MRNIP: variants seen among roughly 807,000 people sequenced by gnomAD.
MRNIP encodes the protein MRN complex-interacting protein.
A neutral mutation model predicts 29.8 loss-of-function variants in MRNIP; 30 were observed. The ratio of observed to expected loss-of-function variants is 1.01; its 90% CI spans 0.75 to 1.36. The LOEUF (loss-of-function observed/expected upper bound fraction) is 1.36, where lower values mean the gene tolerates loss of function less well. Ranked by LOEUF, MRNIP falls within the 40% of genes most tolerant of loss-of-function variation. The probability of loss-of-function intolerance (pLI) is 0.00; values close to 1 mark genes in which losing one functional copy is unlikely to be tolerated. For synonymous variants in MRNIP, 201 were observed against 164.1 expected, an observed-to-expected ratio of 1.23 and a Z score of -1.72; for missense variants, 459 against 423.5, an observed-to-expected ratio of 1.08 and a Z score of -0.74.
chr5:179,848,589 T>C (rs1290644916), intron 2 of MRNIP, among the ~76,000 whole-genome samples: 1 of 152,162 alleles, frequency 6.6e-6, no homozygotes, highest in African/African-American at 2.4e-5. Context: ...AGACTCCCTG[T>C]CATCATGGAA....
At chr5:179,849,704 G>A in intron 2 of MRNIP, among the ~76,000 whole-genome samples, 1 of 150,852 alleles carries the variant, frequency 6.6e-6, no homozygotes, top group South Asian at 2.1e-4. Context: ...GTAAGAAACA[G>A]AATTTGAGAC....
At chr5:179,840,699 G>A in intron 6 of MRNIP, 173 bp downstream of exon 6, 1 of 633,900 alleles carries the variant, frequency 1.6e-6, no homozygotes, top group Admixed American at 2.4e-5. Flanking sequence ...GGAAAAGGGG[G>A]TACAGACCCG....
chr5:179,853,274 A>T (rs757928523), intron 2 of MRNIP, 104 bp downstream of exon 2: 1 of 1,597,894 alleles, frequency 6.3e-7, no homozygotes. Context: ...TGTCTGGGGA[A>T]CTCTGTTTGA....
At chr5:179,845,523 C>A (rs1759091573) in intron 3 of MRNIP, among the ~76,000 whole-genome samples, 1 of 151,272 alleles carries the variant, frequency 6.6e-6, no homozygotes, top group Admixed American at 6.6e-5. Context: ...GACAGAGTCT[C>A]ACTCTGGTGC....
intron 3 of MRNIP, among the ~76,000 whole-genome samples, chr5:179,845,164 G>A (rs1266003147): frequency 6.6e-6 from 1 of 151,782 alleles, no homozygotes; most frequent in Non-Finnish European, 1.5e-5. Context: ...CTCTTCAGCT[G>A]CATTTAATCT....
intron 6 of MRNIP, 114 bp downstream of exon 6, chr5:179,840,758 G>A (rs1245522324): frequency 1.2e-6 from 1 of 808,340 alleles, no homozygotes; most frequent in Non-Finnish European, 2.1e-6. Flanking sequence ...CGGGTGGGAA[G>A]ATGGGCTTTC....
chr5:179,849,579 T>C (rs1337719926), intron 2 of MRNIP, among the ~76,000 whole-genome samples: 1 of 150,798 alleles, frequency 6.6e-6, no homozygotes, highest in Admixed American at 6.6e-5. Flanking sequence ...GGTCCTGCTA[T>C]GGCACAGGCA....
chr5:179,848,658 TG>T (rs1379093354), intron 2 of MRNIP, among the ~76,000 whole-genome samples: 5 of 152,182 alleles, frequency 3.3e-5, no homozygotes, highest in Non-Finnish European at 7.3e-5. Context: ...ACCTATCAGA[TG>T]CTAGTAAGTG....
At chr5:179,848,702 G>A (rs1366089307) in intron 2 of MRNIP, among the ~76,000 whole-genome samples, 3 of 152,162 alleles carry the variant, frequency 2.0e-5, no homozygotes, top group Non-Finnish European at 2.9e-5. Context: ...GAAAGAGGTC[G>A]TACATAAGAG....
chr5:179,844,558 G>A (rs552302337), intron 3 of MRNIP, among the ~76,000 whole-genome samples: 1 of 152,020 alleles, frequency 6.6e-6, no homozygotes, highest in East Asian at 1.9e-4. Flanking sequence ...GAGTATCTGG[G>A]ACCACAGGCA....
chr5:179,843,412 G>A (rs1758996222), intron 4 of MRNIP, among the ~76,000 whole-genome samples: 1 of 152,190 alleles, frequency 6.6e-6, no homozygotes, highest in Non-Finnish European at 1.5e-5. Flanking sequence ...CACAGGCACA[G>A]GTACCAGAAG....
At chr5:179,847,550 G>A (rs1377212615) in intron 3 of MRNIP, 1 of 158,650 alleles carries the variant, frequency 6.3e-6, no homozygotes, top group African/African-American at 2.4e-5. Flanking sequence ...ATTGCTCAGG[G>A]TGTTTGACTG....
intron 3 of MRNIP, chr5:179,846,980 A>C (rs1029319430): frequency 6.6e-6 from 1 of 151,946 alleles, no homozygotes; most frequent in African/African-American, 2.4e-5. Flanking sequence ...ACCGGGCTTC[A>C]ATCACCCCAG....
At position 179,839,963 on chromosome 5, in the gene MRNIP, A is replaced by AC. The variant is rs939020810; in HGVS notation, c.537+908_537+909insG. The AC allele has an allele frequency of 4.1e-5, 3 of 73,994 alleles. No homozygotes were observed. In the African/African-American group the frequency reaches 6.7e-4, roughly 16 times the overall value. The allele number at this position is 73,994 out of a possible 1,614,324, so 4.6% of individuals were successfully genotyped here. On this transcript the variant is annotated intron_variant, in intron 6 of 6. Coordinates refer to ENST00000292586, the MANE Select transcript of MRNIP (RefSeq NM_016175.4). ...GGCAACATAGTGAGACCATGTCTCT[A>AC]AAAAATTTTTTTTTTCTGTTGCCCA...
intron 3 of MRNIP, chr5:179,846,989 A>G (rs1759162182): frequency 2.6e-5 from 4 of 152,056 alleles, no homozygotes; most frequent in Non-Finnish European, 5.9e-5. Flanking sequence ...CAATCACCCC[A>G]GCAGCTCAGG....
intron 3 of MRNIP, 144 bp downstream of exon 3, chr5:179,847,834 C>G (rs1759196688): frequency 7.8e-6 from 5 of 643,382 alleles, no homozygotes; most frequent in Middle Eastern, 4.1e-4. Context: ...AGCTGCTGAC[C>G]TCAGATGGCA....
At chr5:179,854,422 AG>A (rs760588772) in intron 1 of MRNIP, among the ~76,000 whole-genome samples, 3 of 152,252 alleles carry the variant, frequency 2.0e-5, no homozygotes, top group Non-Finnish European at 2.9e-5. Context: ...GTACTTTAAA[AG>A]TGAGAAAAGA....
rs373940235 is a variant in MRNIP, at chr5:179,858,777, G to A, written c.20C>T (p.Ser7Phe). 8.2e-5 allele frequency: 126 copies of A among 1,540,956 alleles called. No homozygotes were observed. The Middle Eastern group carries it at 1.2e-3, about 14-fold the overall frequency. Residue 7 changes from serine (S) to phenylalanine (F), a missense_variant, in exon 1 of 7, where the codon TCT (serine) becomes TTT (phenylalanine). Ser to Phe is a radical substitution (Grantham distance 155). Transcript: ENST00000292586. MASLQR[S>F]RVLRCCSCRL... The stretch of plus-strand genomic sequence containing the variant: ...GCAGCTGCAGCAGCGTAGCACCCGA[G>A]AACGCTGAAGCGACGCCATCCCTGC...
At position 179,844,225 on chromosome 5, in the gene MRNIP, G is replaced by A. The variant is rs1340506507; in HGVS notation, c.218C>T (p.Ser73Phe). 2 of 1,613,608 alleles carry A rather than the reference G, an allele frequency of 1.2e-6. No individual in the cohort carries two copies. Among genetic ancestry groups the A allele is most frequent in the South Asian group, 1.1e-5 (1 of 91,072 alleles). ...QGQVSELPLRSLEETVSASEE... is the reference protein window; with the variant it reads ...QGQVSELPLRFLEETVSASEE... Reference sequence around the variant, plus strand: ...ACTGGCACTGACAGTTTCTTCTAGAGACCTTCAGGGAAGACCATACATATG... The same window carrying A: ...ACTGGCACTGACAGTTTCTTCTAGAAACCTTCAGGGAAGACCATACATATG... Residue 73 changes from serine (S) to phenylalanine (F), a missense_variant and splice_region_variant, in exon 4 of 7, where the codon TCT becomes TTT. Coordinates refer to ENST00000292586, the MANE Select transcript of MRNIP (RefSeq NM_016175.4).
Sources: allele counts gnomAD v4.1 joint callset (sites outside exome capture counted in the v4.1 genomes callset), GRCh38; gene constraint gnomAD v4.1.1; transcripts MANE v1.5; gene names NCBI Gene and HGNC (gene_info 2026-07-23, HGNC 2026-07-21).